Variants in MARCHF1 observed in about 807,000 individuals in gnomAD.
The protein encoded by MARCHF1 is membrane associated ring-CH-type finger 1, also known as E3 ubiquitin-protein ligase MARCHF1.
In MARCHF1, 40 loss-of-function variants were observed where a neutral mutation model predicts 54.2. The ratio of observed to expected loss-of-function variants is 0.74; its 90% CI spans 0.57 to 0.96. The LOEUF is 0.96. Ranked by LOEUF, MARCHF1 falls within the 40% of genes least tolerant of loss-of-function variation. The pLI is 0.00. For synonymous variants in MARCHF1, 236 were observed against 236.3 expected (o/e 1.00, Z 0.01); for missense variants, 586 against 656.5 (o/e 0.89, Z 1.17).
At chr4:163,832,179 G>A (rs181695472) in intron 4 of MARCHF1, among the ~76,000 whole-genome samples, 118 of 152,300 alleles carry the variant, frequency 7.7e-4, no homozygotes, top group Admixed American at 6.1e-3. Flanking sequence ...AGGAGATGTC[G>A]TTTCTAATTG....
At chr4:164,160,368 A>T (rs1730198976) in intron 1 of MARCHF1, among the ~76,000 whole-genome samples, 1 of 152,156 alleles carries the variant, frequency 6.6e-6, no homozygotes, top group Admixed American at 6.6e-5. Flanking sequence ...CAACTGGAAC[A>T]CAATGGTCTC....
At chr4:163,599,015 G>A (rs371975099) in intron 7 of MARCHF1, among the ~76,000 whole-genome samples, 38 of 152,052 alleles carry the variant, frequency 2.5e-4, no homozygotes, top group South Asian at 4.1e-4. Context: ...TTGGCTGGGC[G>A]TGGTGACTCA....
chr4:163,609,450 A>G (rs1015176053), intron 7 of MARCHF1, among the ~76,000 whole-genome samples: 1 of 151,874 alleles, frequency 6.6e-6, no homozygotes, highest in African/African-American at 2.4e-5. Context: ...CTAATTTGCC[A>G]TTTGTTCTTC....
intron 1 of MARCHF1, among the ~76,000 whole-genome samples, chr4:164,263,637 A>G (rs946755414): frequency 2.6e-5 from 4 of 152,336 alleles, no homozygotes; most frequent in Admixed American, 2.0e-4. Flanking sequence ...TCGAATGTAA[A>G]GAAATTTACA....
chr4:164,201,366 C>T (rs6837307), intron 1 of MARCHF1, among the ~76,000 whole-genome samples: 13,147 of 152,004 alleles, frequency 0.086, 720 homozygotes, highest in African/African-American at 0.15. Context: ...ACTACAGGCA[C>T]GTGCCACCAC....
intron 3 of MARCHF1, among the ~76,000 whole-genome samples, chr4:163,908,689 A>G (rs1751123926): frequency 6.6e-6 from 1 of 152,126 alleles, no homozygotes. Flanking sequence ...AGAATTCAGG[A>G]TTCCTCCATT....
intron 1 of MARCHF1, among the ~76,000 whole-genome samples, chr4:164,345,329 C>T (rs903996528): frequency 6.6e-6 from 1 of 151,928 alleles, no homozygotes; most frequent in Non-Finnish European, 1.5e-5. Flanking sequence ...TACTGTGGAA[C>T]ATCAAGGCCA....
chr4:164,045,820 T>C (rs6830857), intron 2 of MARCHF1, among the ~76,000 whole-genome samples: 37,596 of 151,854 alleles, frequency 0.25, 6,324 homozygotes, highest in East Asian at 0.48. Flanking sequence ...TATTTAATAG[T>C]TACATGAGGA....
chr4:163,528,641 G>C lies in MARCHF1; in HGVS notation c.*107C>G. On this transcript the variant is annotated 3_prime_UTR_variant, in exon 10 of 10. Transcript: ENST00000514618. ...AGTCAGGAAAAATGTGTCAGTAGGA[G>C]AAAGGAGGAGCTGAAGGGAGTAAAT... The C allele has an allele frequency of 8.5e-7, 1 of 1,169,986 alleles. No homozygotes were observed. Among genetic ancestry groups the C allele is most frequent in the Middle Eastern group, 3.0e-4 (1 of 3,308 alleles). 72.5% of individuals were successfully genotyped at this position (1,169,986 alleles called of 1,614,324 possible). A position where few individuals can be genotyped will look rare whatever the true frequency, so the allele number is the denominator to read the frequency against.
At chr4:163,755,671 T>C (rs1746644491) in intron 4 of MARCHF1, among the ~76,000 whole-genome samples, 1 of 151,416 alleles carries the variant, frequency 6.6e-6, no homozygotes, top group African/African-American at 2.4e-5. Context: ...AACCTTGAAC[T>C]ACTGGACATC....
chr4:164,235,559 G>A (rs1225705303), intron 1 of MARCHF1, among the ~76,000 whole-genome samples: 3 of 152,036 alleles, frequency 2.0e-5, no homozygotes, highest in African/African-American at 7.2e-5. Context: ...GAAGAGGCCG[G>A]TTATATGCAG....
chr4:163,852,659 C>A (rs1301894167), intron 4 of MARCHF1, among the ~76,000 whole-genome samples: 1 of 152,126 alleles, frequency 6.6e-6, no homozygotes, highest in Non-Finnish European at 1.5e-5. Context: ...CCTCCCCTTA[C>A]AATCTAAGGG....
At chr4:164,194,646 A>C (rs1168795410) in intron 1 of MARCHF1, among the ~76,000 whole-genome samples, 2 of 152,166 alleles carry the variant, frequency 1.3e-5, no homozygotes, top group Admixed American at 1.3e-4. Flanking sequence ...TCAAATGTTA[A>C]GGTCAAGTTC....
intron 3 of MARCHF1, among the ~76,000 whole-genome samples, chr4:163,872,361 A>T (rs760824327): frequency 6.6e-6 from 1 of 152,248 alleles, no homozygotes; most frequent in Non-Finnish European, 1.5e-5. Flanking sequence ...ACCTTTGAAA[A>T]ATGGTCAATC....
At chr4:164,210,362 T>C (rs1243900630) in intron 1 of MARCHF1, among the ~76,000 whole-genome samples, 1 of 152,190 alleles carries the variant, frequency 6.6e-6, no homozygotes, top group Non-Finnish European at 1.5e-5. Flanking sequence ...CAAAGATAAT[T>C]ACTCAGTGTC....
intron 1 of MARCHF1, among the ~76,000 whole-genome samples, chr4:164,242,107 G>C (rs2321374): frequency 1.2e-4 from 18 of 152,076 alleles, no homozygotes; most frequent in African/African-American, 2.7e-4. Flanking sequence ...CTGGAAGCTC[G>C]AACTGGGTGG....
rs1158537781 is a variant in MARCHF1, at chr4:163,612,227, A to G, written c.1010+44T>C. 2.5e-5 allele frequency: 35 copies of G among 1,420,746 alleles called. No homozygotes were observed. The East Asian group carries it at 8.9e-4, about 36-fold the overall frequency. The allele number at this position is 1,420,746 out of a possible 1,614,324, so 88.0% of individuals were successfully genotyped here. On this transcript the variant is annotated intron_variant, in intron 7 of 9. Transcript: ENST00000514618. ...CACGCACCTAACTCACTGCAAAAAG[A>G]ACTATATATGGATGACATCAAGCCT... is the stretch of plus-strand genomic sequence containing the variant.
intron 1 of MARCHF1, among the ~76,000 whole-genome samples, chr4:164,215,607 C>G (rs1382487671): frequency 6.6e-6 from 1 of 152,190 alleles, no homozygotes; most frequent in Admixed American, 6.5e-5. Context: ...CATGCCCTTC[C>G]CTTCCCAGCA....
chr4:164,197,232 C>T lies in MARCHF1; in HGVS notation c.-322-85570G>A, dbSNP rs565392024. 2.5e-5 allele frequency: 40 copies of T among 1,610,608 alleles called. No individual in the cohort carries two copies. The Admixed American group carries it at 4.5e-4, about 18-fold the overall frequency. On this transcript the variant is annotated intron_variant, in intron 1 of 9. Transcript: ENST00000514618. ...CCTCCTCCTCGTCATCCAGGCCCTC[C>T]ACGTGGTCCTCAATATCTGAGTAAG...
Sources: gnomAD v4.1 joint callset for allele counts (sites outside exome capture counted in the v4.1 genomes callset) on GRCh38, gnomAD v4.1.1 for gene constraint, MANE v1.5 for transcripts, NCBI Gene and HGNC (gene_info 2026-07-23, HGNC 2026-07-21) for gene names.